Variants in PTPRR observed in about 807,000 individuals in gnomAD.
PTPRR encodes protein tyrosine phosphatase receptor type R.
In PTPRR, 38 loss-of-function variants were observed where a neutral mutation model predicts 77.2. The observed-to-expected ratio is 0.49, with a 90% confidence interval of 0.38 to 0.65. PTPRR has a LOEUF of 0.65. Ranked by LOEUF, PTPRR falls within the 30% of genes least tolerant of loss-of-function variation. The pLI, the probability that PTPRR is intolerant of heterozygous loss-of-function variation, is 0.00. For missense variants in PTPRR, 744 were observed against 799.2 expected, an observed-to-expected ratio of 0.93 and a Z score of 0.83; for synonymous variants, 299 against 283.1, an observed-to-expected ratio of 1.06 and a Z score of -0.57.
intron 6 of PTPRR, among the ~76,000 whole-genome samples, chr12:70,704,446 T>C (rs1421204698): frequency 6.6e-6 from 1 of 151,100 alleles, no homozygotes. Flanking sequence ...AATAAATACA[T>C]AAATAACGAA....
chr12:70,920,201 C>G, intron 1 of PTPRR, 132 bp downstream of exon 1: 1 of 914,686 alleles, frequency 1.1e-6, no homozygotes. Flanking sequence ...CACCCCTTCC[C>G]TGTCAGGTAC....
At chr12:70,802,350 G>C (rs1339444503) in intron 2 of PTPRR, among the ~76,000 whole-genome samples, 2 of 152,118 alleles carry the variant, frequency 1.3e-5, no homozygotes, top group Non-Finnish European at 2.9e-5. Flanking sequence ...ATCAGGTAAT[G>C]ATGAGCAAAT....
intron 8 of PTPRR, among the ~76,000 whole-genome samples, chr12:70,693,975 C>T (rs1455382114): frequency 1.3e-5 from 2 of 152,014 alleles, no homozygotes; most frequent in African/African-American, 4.8e-5. Context: ...CACATACTAT[C>T]ATTTAATTTT....
At chr12:70,898,468 C>T (rs1405524831) in intron 1 of PTPRR, among the ~76,000 whole-genome samples, 3 of 148,660 alleles carry the variant, frequency 2.0e-5, no homozygotes, top group Non-Finnish European at 3.0e-5. Flanking sequence ...CTCCTTGATA[C>T]TCTTTATATA....
At chr12:70,806,576 G>C (rs1015224347) in intron 2 of PTPRR, among the ~76,000 whole-genome samples, 1 of 152,154 alleles carries the variant, frequency 6.6e-6, no homozygotes, top group Non-Finnish European at 1.5e-5. Flanking sequence ...CTCAAAATCT[G>C]TTTGTAAATT....
intron 10 of PTPRR, among the ~76,000 whole-genome samples, chr12:70,666,297 A>G (rs1886990895): frequency 6.6e-6 from 1 of 152,172 alleles, no homozygotes; most frequent in Admixed American, 6.5e-5. Flanking sequence ...TAACCACAGC[A>G]TTGACCAATG....
intron 2 of PTPRR, among the ~76,000 whole-genome samples, chr12:70,878,767 T>C (rs1437224785): frequency 1.3e-5 from 2 of 152,158 alleles, no homozygotes; most frequent in African/African-American, 2.4e-5. Context: ...ACCCAAAGGA[T>C]TATAAGTCAA....
chr12:70,877,174 G>A (rs1027039752), intron 2 of PTPRR, among the ~76,000 whole-genome samples: 8 of 152,158 alleles, frequency 5.3e-5, no homozygotes. Context: ...GTAGGGCTTC[G>A]GTCAGGCCAG....
intron 12 of PTPRR, among the ~76,000 whole-genome samples, chr12:70,659,665 G>A (rs373987059): frequency 6.6e-6 from 1 of 151,738 alleles, no homozygotes; most frequent in Non-Finnish European, 1.5e-5. Context: ...TGTTTTTTTG[G>A]CTCCAAGTTA....
intron 2 of PTPRR, among the ~76,000 whole-genome samples, chr12:70,867,842 C>T (rs957309326): frequency 2.6e-4 from 40 of 152,096 alleles, no homozygotes; most frequent in East Asian, 1.7e-3. Flanking sequence ...AACAGAGATA[C>T]AGATCAATGG....
At chr12:70,858,781 G>C (rs1476523802) in intron 2 of PTPRR, among the ~76,000 whole-genome samples, 3 of 151,948 alleles carry the variant, frequency 2.0e-5, no homozygotes, top group African/African-American at 7.3e-5. Context: ...ACTCAATGTT[G>C]CTGGAGAGAA....
At chr12:70,861,777 T>A (rs1892757653) in intron 2 of PTPRR, among the ~76,000 whole-genome samples, 1 of 152,126 alleles carries the variant, frequency 6.6e-6, no homozygotes, top group African/African-American at 2.4e-5. Flanking sequence ...GCCATCAATC[T>A]CTTTCTTTAT....
chr12:70,707,860 T>C (rs1385601319), intron 6 of PTPRR, among the ~76,000 whole-genome samples: 1 of 152,094 alleles, frequency 6.6e-6, no homozygotes, highest in Admixed American at 6.6e-5. Context: ...CAGATTTCAC[T>C]GGAATATCTG....
chr12:70,907,122 A>G (rs1893634621), intron 1 of PTPRR: 3 of 152,206 alleles, frequency 2.0e-5, no homozygotes, highest in African/African-American at 7.2e-5. Flanking sequence ...TCTACCAGGA[A>G]GTGTTGTGAC....
rs111321023 is a variant in PTPRR, at chr12:70,770,247, C to T, written c.358-5469G>A. Among the ~76,000 whole-genome samples the T allele has an allele frequency of 6.8e-4, 102 of 150,636 alleles. 1 individual carries two copies. Among genetic ancestry groups the T allele is most frequent in the African/African-American group, 2.1e-3 (86 of 40,920 alleles). On this transcript the variant is annotated intron_variant, in intron 2 of 13. Transcript: ENST00000283228. Reference sequence around the variant, plus strand: ...AACCTACAAAATGGGAGAAAATTTTCGCAACCTACTCATCTGACAAAGGGC... The same window carrying T: ...AACCTACAAAATGGGAGAAAATTTTTGCAACCTACTCATCTGACAAAGGGC...
chr12:70,693,026 T>A (rs1052693570), intron 8 of PTPRR, among the ~76,000 whole-genome samples: 1 of 152,168 alleles, frequency 6.6e-6, no homozygotes, highest in East Asian at 1.9e-4. Context: ...TTCTAGATAT[T>A]TTTTTCTTTT....
chr12:70,754,566 C>G (rs536341563), intron 4 of PTPRR: 1 of 1,596,502 alleles, frequency 6.3e-7, no homozygotes, highest in Admixed American at 1.7e-5. Context: ...CATCCCTCAG[C>G]GTCTCTCTTG....
chr12:70,697,850 G>A (rs1387716897), intron 8 of PTPRR, among the ~76,000 whole-genome samples: 1 of 152,014 alleles, frequency 6.6e-6, no homozygotes, highest in Non-Finnish European at 1.5e-5. Flanking sequence ...CATAATGTGT[G>A]GCACAACAAA....
rs554679221 is a variant in PTPRR, at chr12:70,820,646, T to C, written c.358-55868A>G. On this transcript the variant is annotated intron_variant, in intron 2 of 13. Transcript: ENST00000283228. The stretch of plus-strand genomic sequence containing the variant: ...CTGCGCCCAGCCACTGTTTTTTCAA[T>C]GAGGTCTCATCCTTGGGCTCTGCCT... 2.8e-4 allele frequency among the ~76,000 whole-genome samples: 42 copies of C among 152,338 alleles called. No individual in the cohort carries two copies. The South Asian group carries it at 8.5e-3, about 31-fold the overall frequency.
Sources: gnomAD v4.1 joint callset for allele counts (sites outside exome capture counted in the v4.1 genomes callset) on GRCh38, gnomAD v4.1.1 for gene constraint, MANE v1.5 for transcripts, NCBI Gene and HGNC (gene_info 2026-07-23, HGNC 2026-07-21) for gene names.